MED26: variants seen among roughly 807,000 people sequenced by gnomAD.
MED26 encodes mediator of RNA polymerase II transcription subunit 26.
In MED26, 7 loss-of-function variants were observed where a neutral mutation model predicts 43.7. The observed-to-expected ratio is 0.16, with a 90% CI of 0.09 to 0.30. The LOEUF (loss-of-function observed/expected upper bound fraction) is 0.30, where lower values mean the gene tolerates loss of function less well. Ranked by LOEUF, MED26 falls within the 10% of genes least tolerant of loss-of-function variation. The pLI is 1.00. For synonymous variants in MED26, 375 were observed against 371.1 expected (o/e 1.01, Z -0.12); for missense variants, 784 against 840.6 (o/e 0.93, Z 0.83).
In MED26 at chr19:16,576,222, C is replaced by A. The variant is rs200454256; in HGVS notation, c.1608G>T (p.Pro536=). 1.6e-5 allele frequency: 26 copies of A among 1,611,572 alleles called. No homozygotes were observed. Among genetic ancestry groups the A allele is most frequent in the Non-Finnish European group, 1.8e-5 (21 of 1,179,986 alleles). ...GGGTCAGACCAGGGAGGTCCGTGGG[C>A]GGGCTTTGAGGCACCAGCACATGCA... is the stretch of plus-strand genomic sequence containing the variant. ...RQLHVLVPQS[P]PTDLPGLTRE... is the part of the protein sequence containing the mutation. Residue 536 remains proline (P), a synonymous_variant, in exon 3 of 3, where the codon CCG becomes CCT. Coordinates refer to ENST00000263390, the MANE Select transcript of MED26 (RefSeq NM_004831.5). This position sits in a 1 kb window ranked among gnomAD's most constrained non-coding sequence, Gnocchi z 6.8.
chr19:16,614,706 G>A (rs2086215288), intron 1 of MED26, among the ~76,000 whole-genome samples: 1 of 152,104 alleles, frequency 6.6e-6, no homozygotes, highest in East Asian at 1.9e-4. Flanking sequence ...CACAGGACAG[G>A]CTCAGCGCCT....
At chr19:16,580,163 T>C (rs1356299814) in intron 1 of MED26, among the ~76,000 whole-genome samples, 1 of 152,222 alleles carries the variant, frequency 6.6e-6, no homozygotes, top group Admixed American at 6.5e-5. Flanking sequence ...GGCTGCTCTA[T>C]TCCATTCCCA....
At chr19:16,593,948 T>G (rs1298882997) in intron 1 of MED26, among the ~76,000 whole-genome samples, 3 of 152,218 alleles carry the variant, frequency 2.0e-5, no homozygotes, top group African/African-American at 7.2e-5. Flanking sequence ...GCAGAGGTCC[T>G]GGAAGTTACT....
chr19:16,594,220 AC>A (rs990581233), intron 1 of MED26, among the ~76,000 whole-genome samples: 95 of 152,348 alleles, frequency 6.2e-4, no homozygotes, highest in African/African-American at 2.2e-3. Context: ...CAGTGAGGGC[AC>A]ACTCAAGGGC....
Position 16,600,967 on chromosome 19 carries a change from G to A in MED26, c.73-22558C>T, listed in dbSNP as rs568660182. On this transcript the variant is annotated intron_variant, in intron 1 of 2. Coordinates refer to ENST00000263390, the MANE Select transcript of MED26 (RefSeq NM_004831.5). ...AAATTAGCCAGGTGTGGTGGCGCACGCCTGTAGACACAGCTACTGGGGAGG... is the reference window on the plus strand; with the variant it reads ...AAATTAGCCAGGTGTGGTGGCGCACACCTGTAGACACAGCTACTGGGGAGG... 1.4e-4 allele frequency among the ~76,000 whole-genome samples: 22 copies of A among 151,946 alleles called. No homozygotes were observed. In the South Asian group the frequency reaches 4.0e-3, roughly 27 times the overall value.
At chr19:16,620,685 AG>A (rs1403015594) in intron 1 of MED26, among the ~76,000 whole-genome samples, 1 of 152,204 alleles carries the variant, frequency 6.6e-6, no homozygotes, top group African/African-American at 2.4e-5. Flanking sequence ...GGATTAAGCC[AG>A]GTAAGGTTTC....
intron 1 of MED26, among the ~76,000 whole-genome samples, chr19:16,582,674 C>A (rs1237451218): frequency 6.6e-6 from 1 of 152,130 alleles, no homozygotes; most frequent in Non-Finnish European, 1.5e-5. Context: ...CCAGCATGAA[C>A]CCTCAGGGCA....
chr19:16,594,265 G>A lies in MED26; in HGVS notation c.73-15856C>T, dbSNP rs925293283. ...CTCCTGAGGCCACTTGCCGCCGAGA[G>A]CCAAATCAACCACTTCCTTCCTTTC... On this transcript the variant is annotated intron_variant, in intron 1 of 2. Transcript: ENST00000263390. 3.3e-5 allele frequency among the ~76,000 whole-genome samples: 5 copies of A among 152,328 alleles called. No homozygotes were observed. In the East Asian group the frequency reaches 9.6e-4, roughly 29 times the overall value.
At chr19:16,623,490 A>G (rs1411381652) in intron 1 of MED26, among the ~76,000 whole-genome samples, 1 of 152,238 alleles carries the variant, frequency 6.6e-6, no homozygotes, top group Non-Finnish European at 1.5e-5. Context: ...AGTAGAGAGC[A>G]AACTGGTCAC....
At chr19:16,627,471 C>G (rs1039911850) in intron 1 of MED26, among the ~76,000 whole-genome samples, 1 of 152,232 alleles carries the variant, frequency 6.6e-6, no homozygotes, top group Non-Finnish European at 1.5e-5. Context: ...ACCCCGGACA[C>G]CAGTTGCTTC....
intron 1 of MED26, among the ~76,000 whole-genome samples, chr19:16,618,923 G>A (rs116641401): frequency 1.0e-3 from 159 of 152,352 alleles, no homozygotes; most frequent in African/African-American, 3.0e-3. Context: ...GGGATGGAGA[G>A]GAAGACACCC....
chr19:16,578,032 C>T lies in MED26; in HGVS notation c.147+303G>A, dbSNP rs2086021755. ...TGGCCGAGGCGACAGCACAGAGGGT[C>T]CGCTTCAAGTGGAGGGTTGGGGATG... On this transcript the variant is annotated intron_variant, in intron 2 of 2. Coordinates refer to ENST00000263390, the MANE Select transcript of MED26 (RefSeq NM_004831.5). 1.0e-5 allele frequency: 5 copies of T among 500,810 alleles called. No homozygotes were observed. In the South Asian group the frequency reaches 1.2e-4, roughly 12 times the overall value. 31.0% of individuals were successfully genotyped at this position (500,810 alleles called of 1,614,324 possible).
chr19:16,576,509 C>T lies in MED26; in HGVS notation c.1321G>A (p.Glu441Lys). The T allele has an allele frequency of 6.2e-7, 1 of 1,614,192 alleles. No homozygotes were observed. Among genetic ancestry groups the T allele is most frequent in the Non-Finnish European group, 8.5e-7 (1 of 1,180,044 alleles). The part of the protein sequence containing the change: ...TRQIKPLTQK[E>K]PVRADSPVHM... ...ACAGGGCTGTCTGCCCGCACTGGCT[C>T]TTTCTGGGTCAGAGGTTTGATCTGT... The change falls in exon 3 of 3, where the codon GAG becomes AAG. Residue 441 changes from glutamate to lysine, a missense_variant. By Grantham distance (56) the Glu-to-Lys change is moderately conservative (BLOSUM62 1). Transcript: ENST00000263390. The surrounding 1 kb of genome is among the most constrained non-coding windows in gnomAD (Gnocchi z 6.8).
chr19:16,576,254 T>A lies in MED26; in HGVS notation c.1576A>T (p.Arg526Trp). ...TGAGGCACCAGCACATGCAGCTGCC[T>A]GGCCCCTTGCCGGGTGCTCTCCTCC... The part of the protein sequence containing the change: ...KQEESTRQGA[R>W]QLHVLVPQSP... Residue 526 changes from arginine (R) to tryptophan (W), a missense_variant, in exon 3 of 3, where the codon AGG (arginine) becomes TGG (tryptophan). Coordinates refer to ENST00000263390, the MANE Select transcript of MED26 (RefSeq NM_004831.5). The surrounding 1 kb of genome is among the most constrained non-coding windows in gnomAD (Gnocchi z 6.8). 6.2e-7 allele frequency: 1 copy of A among 1,611,342 alleles called. No homozygotes were observed. Among genetic ancestry groups the A allele is most frequent in the Non-Finnish European group, 8.5e-7 (1 of 1,180,008 alleles).
intron 1 of MED26, among the ~76,000 whole-genome samples, chr19:16,582,615 C>G (rs986101867): frequency 6.6e-6 from 1 of 152,174 alleles, no homozygotes; most frequent in Admixed American, 6.5e-5. Context: ...CACCAGGACT[C>G]GTATGTGGCT....
rs377104966 is a variant in MED26, at chr19:16,576,418, G to A, written c.1412C>T (p.Pro471Leu). The A allele has an allele frequency of 1.2e-6, 2 of 1,614,044 alleles. No individual in the cohort carries two copies. Among genetic ancestry groups the A allele is most frequent in the Non-Finnish European group, 1.7e-6 (2 of 1,180,050 alleles). ...CTCCTTCCAGTTCGTCTGTTCGAAGGGGCTCTGGAGGCTGGCCTTGGCCTC... is the reference window on the plus strand; with the variant it reads ...CTCCTTCCAGTTCGTCTGTTCGAAGAGGCTCTGGAGGCTGGCCTTGGCCTC... ...KQEAKASLQS[P>L]FEQTNWKELS... The change falls in exon 3 of 3, where the codon CCC becomes CTC. Residue 471 changes from proline (P) to leucine (L), a missense_variant. Physicochemically the swap from Pro to Leu is moderately conservative, Grantham distance 98. Coordinates refer to ENST00000263390, the MANE Select transcript of MED26 (RefSeq NM_004831.5). The surrounding 1 kb of genome is among the most constrained non-coding windows in gnomAD (Gnocchi z 6.8).
intron 1 of MED26, among the ~76,000 whole-genome samples, chr19:16,598,768 C>T (rs139508546): frequency 1.3e-5 from 2 of 152,190 alleles, no homozygotes; most frequent in African/African-American, 4.8e-5. Flanking sequence ...CCTACTGTGC[C>T]GGACCCATCA....
rs1031367619 is a variant in MED26, at chr19:16,624,112, TA to T, written c.72+3759del. 3.7e-3 allele frequency among the ~76,000 whole-genome samples: 525 copies of T among 142,410 alleles called. 5 individuals are homozygous for T. Among genetic ancestry groups the T allele is most frequent in the African/African-American group, 3.8e-3 (147 of 38,996 alleles). 93.4% of individuals were successfully genotyped at this position (142,410 alleles called of 152,430 possible). A position where few individuals can be genotyped will look rare whatever the true frequency, so the allele number is the denominator to read the frequency against. ...CACAATGTACCTTGCAAAGATATATTAAAAAAAAAAAACCCCTTCTAGAACA... is the reference window on the plus strand; with the variant it reads ...CACAATGTACCTTGCAAAGATATATTAAAAAAAAAAACCCCTTCTAGAACA... On this transcript the variant is annotated intron_variant, in intron 1 of 2. Transcript: ENST00000263390.
chr19:16,576,132 A>C lies in MED26; in HGVS notation c.1698T>G (p.Cys566Trp). The change falls in exon 3 of 3, where the codon TGT becomes TGG. Residue 566 changes from cysteine to tryptophan, a missense_variant. Physicochemically the swap from Cys to Trp is radical, Grantham distance 215. Coordinates refer to ENST00000263390, the MANE Select transcript of MED26 (RefSeq NM_004831.5). This position sits in a 1 kb window ranked among gnomAD's most constrained non-coding sequence, Gnocchi z 6.8. ...QASQWPGVNGCQDTQGNWYDW... is the reference protein window; with the variant it reads ...QASQWPGVNGWQDTQGNWYDW... ...CATACCAGTTACCCTGTGTGTCCTG[A>C]CACCCGTTCACCCCCGGCCACTGGC... The C allele has an allele frequency of 6.2e-7, 1 of 1,613,888 alleles. No individual in the cohort carries two copies. The highest frequency in any genetic ancestry group is 8.5e-7 in the Non-Finnish European group (1 of 1,180,008).
Sources: allele counts gnomAD v4.1 joint callset (sites outside exome capture counted in the v4.1 genomes callset), GRCh38; gene constraint gnomAD v4.1.1; non-coding constraint Gnocchi (gnomAD v3.1); transcripts MANE v1.5; gene names NCBI Gene and HGNC (gene_info 2026-07-23, HGNC 2026-07-21).